TPRG1: variants seen among roughly 807,000 people sequenced by gnomAD.
TPRG1 encodes the protein tumor protein p63 regulated 1, also known as tumor protein p63-regulated gene 1 protein.
TPRG1 carries 29 observed loss-of-function variants against 29.3 expected under a neutral mutation model. The ratio of observed to expected loss-of-function variants is 0.99; its 90% CI spans 0.74 to 1.35. The LOEUF (loss-of-function observed/expected upper bound fraction) is 1.35. Among genes scored for constraint, TPRG1 ranks in the 40% most tolerant of loss-of-function variants. The probability of loss-of-function intolerance (pLI) is 0.00; values close to 1 mark genes in which losing one functional copy is unlikely to be tolerated. For missense variants in TPRG1, 327 were observed against 335.0 expected, an observed-to-expected ratio of 0.98 and a Z score of 0.19; for synonymous variants, 130 against 116.8, an observed-to-expected ratio of 1.11 and a Z score of -0.73.
chr3:189,304,756 G>T (rs912158217), intron 4 of TPRG1, among the ~76,000 whole-genome samples: 4 of 152,174 alleles, frequency 2.6e-5, no homozygotes, highest in Admixed American at 6.5e-5. Context: ...AAATAAGCAA[G>T]AGACTAACAT....
At chr3:189,239,640 A>C (rs1476560043) in intron 4 of TPRG1, among the ~76,000 whole-genome samples, 3 of 152,194 alleles carry the variant, frequency 2.0e-5, no homozygotes, top group Admixed American at 2.0e-4. Context: ...AGGAGAACCA[A>C]AGGGGAAGAA....
chr3:189,051,063 A>T (rs1715287577), intron 4 of TPRG1, among the ~76,000 whole-genome samples: 1 of 152,234 alleles, frequency 6.6e-6, no homozygotes, highest in Non-Finnish European at 1.5e-5. Flanking sequence ...TTTTCAACAT[A>T]GTACTGGAAG....
intron 4 of TPRG1, among the ~76,000 whole-genome samples, chr3:189,060,061 A>T (rs1439403235): frequency 1.3e-5 from 2 of 152,116 alleles, no homozygotes; most frequent in African/African-American, 4.8e-5. Context: ...GGAGAAACCC[A>T]GTCTCTACTA....
chr3:189,053,423 C>T (rs963948004), intron 4 of TPRG1, among the ~76,000 whole-genome samples: 2 of 152,186 alleles, frequency 1.3e-5, no homozygotes, highest in Non-Finnish European at 2.9e-5. Context: ...GTTTCTTTCT[C>T]AGGAAACCAA....
intron 1 of TPRG1, among the ~76,000 whole-genome samples, chr3:189,198,453 T>C (rs1732922470): frequency 6.6e-6 from 1 of 152,232 alleles, no homozygotes; most frequent in African/African-American, 2.4e-5. Flanking sequence ...TGAGTTCCTA[T>C]GTGTGTCTGT....
intron 5 of TPRG1, among the ~76,000 whole-genome samples, chr3:189,161,874 G>A (rs2108633052): frequency 6.6e-6 from 1 of 152,290 alleles, no homozygotes; most frequent in African/African-American, 2.4e-5. Context: ...GAATAGTGGA[G>A]GTGTGAAGAG....
intron 4 of TPRG1, among the ~76,000 whole-genome samples, chr3:189,093,335 T>G (rs190685271): frequency 3.9e-5 from 6 of 152,276 alleles, no homozygotes; most frequent in Admixed American, 2.0e-4. Flanking sequence ...ACAGGAAGAT[T>G]AATTGAGTAG....
intron 4 of TPRG1, among the ~76,000 whole-genome samples, chr3:189,302,921 G>A (rs1226344894): frequency 6.6e-6 from 1 of 152,194 alleles, no homozygotes; most frequent in African/African-American, 2.4e-5. Context: ...AGTCAGGAAT[G>A]TTGATAGCAG....
At chr3:189,304,774 G>A (rs1339593610) in intron 4 of TPRG1, among the ~76,000 whole-genome samples, 2 of 152,102 alleles carry the variant, frequency 1.3e-5, no homozygotes, top group African/African-American at 4.8e-5. Context: ...CATTTCATGG[G>A]CCTAGAAGTC....
At chr3:189,227,998 G>A (rs1292002602) in intron 3 of TPRG1, among the ~76,000 whole-genome samples, 1 of 152,126 alleles carries the variant, frequency 6.6e-6, no homozygotes. Context: ...GCGGGCGCCT[G>A]TAGTCCCAGC....
At chr3:189,206,976 A>G (rs1002513415) in intron 1 of TPRG1, among the ~76,000 whole-genome samples, 1 of 152,258 alleles carries the variant, frequency 6.6e-6, no homozygotes, top group African/African-American at 2.4e-5. Context: ...CAAGAAGCAC[A>G]CAAGAAAATG....
intron 4 of TPRG1, among the ~76,000 whole-genome samples, chr3:189,068,749 C>G (rs1194729344): frequency 6.6e-6 from 1 of 151,712 alleles, no homozygotes; most frequent in Admixed American, 6.6e-5. Flanking sequence ...GCACTCCAGC[C>G]CGGATGATAG....
chr3:189,115,012 G>A (rs1039513420), intron 1 of TPRG1, among the ~76,000 whole-genome samples: 1 of 152,254 alleles, frequency 6.6e-6, no homozygotes, highest in Admixed American at 6.5e-5. Context: ...AGGGAAGAGG[G>A]CACTTATCCT....
At chr3:189,218,648 A>C (rs752956473) in intron 3 of TPRG1, among the ~76,000 whole-genome samples, 1 of 152,174 alleles carries the variant, frequency 6.6e-6, no homozygotes, top group Admixed American at 6.5e-5. Context: ...CGTTAGCTTC[A>C]CAACTTTGTT....
chr3:189,226,045 C>T (rs1195546130), intron 3 of TPRG1, among the ~76,000 whole-genome samples: 5 of 152,032 alleles, frequency 3.3e-5, no homozygotes, highest in Admixed American at 2.6e-4. Flanking sequence ...TAGACAAATC[C>T]ATAATTATAG....
intron 3 of TPRG1, among the ~76,000 whole-genome samples, chr3:189,216,693 T>C (rs1284981463): frequency 6.6e-6 from 1 of 152,220 alleles, no homozygotes; most frequent in African/African-American, 2.4e-5. Flanking sequence ...TTGTAGCATC[T>C]TCCTTCATTT....
At chr3:189,083,650 A>G (rs1262083350) in intron 4 of TPRG1, among the ~76,000 whole-genome samples, 1 of 152,134 alleles carries the variant, frequency 6.6e-6, no homozygotes, top group Non-Finnish European at 1.5e-5. Context: ...TAACCTCCCA[A>G]TTGTATTAAT....
intron 3 of TPRG1, among the ~76,000 whole-genome samples, chr3:189,141,509 C>T (rs1472133487): frequency 4.6e-5 from 7 of 151,998 alleles, no homozygotes; most frequent in African/African-American, 1.5e-4. Context: ...ATGCCAAGTG[C>T]AGGATGCTGT....
At chr3:189,180,467 CCATTCCAAATGGGAG>C (rs1730061597) in intron 1 of TPRG1, among the ~76,000 whole-genome samples, 1 of 152,118 alleles carries the variant, frequency 6.6e-6, no homozygotes, top group South Asian at 2.1e-4. Context: ...GTAAATACAG[CCATTCCAAATGGGAG>C]AAATTGGCCA....
Sources: gnomAD v4.1 joint callset for allele counts (sites outside exome capture counted in the v4.1 genomes callset) on GRCh38, gnomAD v4.1.1 for gene constraint, MANE v1.5 for transcripts, NCBI Gene and HGNC (gene_info 2026-07-23, HGNC 2026-07-21) for gene names.